VXN: variants seen among roughly 807,000 people sequenced by gnomAD.
The protein encoded by VXN is vexin, also known as uncharacterized protein C8orf46.
Under a neutral mutation model 23.1 loss-of-function variants are expected in VXN, and 7 were observed. That is an observed-to-expected ratio of 0.30 (90% CI 0.17 to 0.57). The LOEUF (loss-of-function observed/expected upper bound fraction) is 0.57. Ranked by LOEUF, VXN falls within the 20% of genes least tolerant of loss-of-function variation. VXN has a pLI of 0.91. For synonymous variants in VXN, 120 were observed against 105.8 expected (o/e 1.13, Z -0.83); for missense variants, 238 against 272.6 (o/e 0.87, Z 0.89).
intron 5 of VXN, chr8:66,514,040 G>T (rs578124563): frequency 5.7e-6 from 1 of 174,686 alleles, no homozygotes; most frequent in Non-Finnish European, 1.2e-5. Context: ...CAAGTACAAA[G>T]GTTTCAAACC....
intron 5 of VXN, among the ~76,000 whole-genome samples, chr8:66,515,535 T>C (rs1367165460): frequency 6.6e-6 from 1 of 152,230 alleles, no homozygotes; most frequent in Non-Finnish European, 1.5e-5. Flanking sequence ...CTCATGCTCT[T>C]TCAATAGCTA....
At chr8:66,507,729 G>A (rs1807775458) in intron 3 of VXN, among the ~76,000 whole-genome samples, 1 of 148,416 alleles carries the variant, frequency 6.7e-6, no homozygotes. Context: ...GAGAGAGAGA[G>A]AGACTGAGCT....
chr8:66,494,957 T>A (rs1197306294), intron 1 of VXN: 1 of 152,250 alleles, frequency 6.6e-6, no homozygotes, highest in Non-Finnish European at 1.5e-5. Flanking sequence ...GATGTATGCC[T>A]GTGAACATAG....
Position 66,510,125 on chromosome 8 carries a change from C to G in VXN, c.310C>G (p.Leu104Val). The G allele has an allele frequency of 6.2e-7, 1 of 1,613,748 alleles. No individual in the cohort carries two copies. Among genetic ancestry groups the G allele is most frequent in the Non-Finnish European group, 8.5e-7 (1 of 1,179,838 alleles). Residue 104 changes from leucine (L) to valine (V), a missense_variant, in exon 4 of 6, where the codon CTG (leucine) becomes GTG (valine). Transcript: ENST00000305454. ...VGISEPKTSN[L>V]CGNRAYGKSL... The stretch of plus-strand genomic sequence containing the variant: ...GATTTCTGAACCCAAAACATCAAAT[C>G]TGTGTGGGAATCGAGCATATGGAAA...
intron 2 of VXN, among the ~76,000 whole-genome samples, chr8:66,504,131 C>A (rs560448677): frequency 6.6e-6 from 1 of 152,262 alleles, no homozygotes; most frequent in East Asian, 1.9e-4. Flanking sequence ...CTCTCCCTCC[C>A]CATTCTCCCT....
intron 2 of VXN, chr8:66,505,092 G>T (rs1227957250): frequency 1.8e-5 from 10 of 546,058 alleles, no homozygotes; most frequent in African/African-American, 1.5e-4. Flanking sequence ...CCAGGCTCCT[G>T]ACCCTGTGAA....
intron 2 of VXN, among the ~76,000 whole-genome samples, chr8:66,502,935 C>T (rs1192073601): frequency 6.6e-6 from 1 of 151,756 alleles, no homozygotes; most frequent in African/African-American, 2.4e-5. Flanking sequence ...CAGCCCCCAC[C>T]TCCTGGGCTC....
At chr8:66,511,322 G>A (rs1807821979) in intron 4 of VXN, among the ~76,000 whole-genome samples, 1 of 152,242 alleles carries the variant, frequency 6.6e-6, no homozygotes, top group African/African-American at 2.4e-5. Flanking sequence ...GTGGTGCAAT[G>A]TGAGAACCGG....
chr8:66,515,922 A>C lies in VXN; in HGVS notation c.470A>C (p.Glu157Ala). The part of the protein sequence containing the change: ...GSRHLKKMTE[E>A]YPALPQGAEA... ...AGACATCTCAAGAAGATGACTGAAG[A>C]GTATCCAGCCCTTCCCCAAGGAGCA... The change falls in exon 6 of 6, where the codon GAG becomes GCG. Residue 157 changes from glutamate to alanine, a missense_variant. Around this residue, in one of 2 missense-constraint regions of VXN, gnomAD observed 223 missense variants for 236.9 expected, o/e 0.94. Transcript: ENST00000305454. 8.7e-6 allele frequency: 14 copies of C among 1,609,594 alleles called. No homozygotes were observed. Among genetic ancestry groups the C allele is most frequent in the Non-Finnish European group, 1.2e-5 (14 of 1,177,996 alleles).
At chr8:66,506,909 T>C (rs1469857308) in intron 3 of VXN, among the ~76,000 whole-genome samples, 1 of 4,532 alleles carries the variant, frequency 2.2e-4, no homozygotes, top group African/African-American at 1.2e-3. Context: ...TGTCTATATA[T>C]AGGTGGGTGG....
At chr8:66,515,814 G>A in intron 5 of VXN, 79 bp from the exon 6 acceptor site, 2 of 1,267,198 alleles carry the variant, frequency 1.6e-6, no homozygotes, top group Non-Finnish European at 2.2e-6. Context: ...GAGAGCTCTG[G>A]CCACTCTTCT....
intron 4 of VXN, among the ~76,000 whole-genome samples, chr8:66,511,934 G>A (rs1362047943): frequency 6.6e-6 from 1 of 151,952 alleles, no homozygotes; most frequent in Non-Finnish European, 1.5e-5. Flanking sequence ...AGCGTGGTGA[G>A]CCATGCCTGT....
chr8:66,500,697 G>A (rs371493798), intron 2 of VXN, among the ~76,000 whole-genome samples: 12 of 151,736 alleles, frequency 7.9e-5, no homozygotes, highest in Non-Finnish European at 1.3e-4. Context: ...CCTCCTTTTC[G>A]GAGTTCCCAG....
At chr8:66,504,017 C>T (rs1169216295) in intron 2 of VXN, among the ~76,000 whole-genome samples, 1 of 152,218 alleles carries the variant, frequency 6.6e-6, no homozygotes, top group Non-Finnish European at 1.5e-5. Flanking sequence ...AGAGGAGGCA[C>T]TGTCCCCAGT....
At chr8:66,507,880 C>T (rs1395536356) in intron 3 of VXN, among the ~76,000 whole-genome samples, 1 of 152,192 alleles carries the variant, frequency 6.6e-6, no homozygotes, top group Admixed American at 6.5e-5. Flanking sequence ...GATTTTGGAA[C>T]TGCTTTTTTC....
At position 66,518,334 on chromosome 8, in the gene VXN, T is replaced by TAACTTATTTC. The variant is rs1807919608; in HGVS notation, c.*2260_*2269dup. 6.6e-6 allele frequency: 1 copy of TAACTTATTTC among 152,262 alleles called. No homozygotes were observed. Among genetic ancestry groups the TAACTTATTTC allele is most frequent in the Non-Finnish European group, 1.5e-5 (1 of 68,034 alleles). 9.4% of individuals were successfully genotyped at this position (152,262 alleles called of 1,614,324 possible). A position where few individuals can be genotyped will look rare whatever the true frequency, so the allele number is the denominator to read the frequency against. ...CCTAGCTCCTTACAACCATTTATTT[T>TAACTTATTTC]AACTTATTTCATTTATAACTGGTAT... On this transcript the variant is annotated 3_prime_UTR_variant, in exon 6 of 6. Coordinates refer to ENST00000305454, the MANE Select transcript of VXN (RefSeq NM_152765.4).
chr8:66,513,829 A>G (rs1807854083), intron 5 of VXN, 192 bp downstream of exon 5: 2 of 538,414 alleles, frequency 3.7e-6, no homozygotes, highest in South Asian at 5.4e-5. Context: ...CTGTTTCCCT[A>G]GGATTAAGCA....
chr8:66,509,265 G>C (rs1242332115), intron 3 of VXN, among the ~76,000 whole-genome samples: 2 of 152,200 alleles, frequency 1.3e-5, no homozygotes, highest in African/African-American at 4.8e-5. Flanking sequence ...CCCCCAGAGA[G>C]ACCTGTGCTG....
At chr8:66,515,053 A>G (rs756257856) in intron 5 of VXN, among the ~76,000 whole-genome samples, 8 of 152,270 alleles carry the variant, frequency 5.3e-5, no homozygotes, top group Non-Finnish European at 1.2e-4. Flanking sequence ...ATTCTGTTAT[A>G]TCCAATAAAT....
Sources: allele counts gnomAD v4.1 joint callset (sites outside exome capture counted in the v4.1 genomes callset), GRCh38; gene constraint gnomAD v4.1.1; regional missense constraint gnomAD v4.1.1; transcripts MANE v1.5; gene names NCBI Gene and HGNC (gene_info 2026-07-23, HGNC 2026-07-21).